The following SYNPO2 variants were observed in gnomAD, a reference collection of about 807,000 sequenced individuals.
The protein encoded by SYNPO2 is synaptopodin-2.
SYNPO2 carries 56 observed loss-of-function variants against 85.0 expected under a neutral mutation model. That is an observed-to-expected ratio of 0.66 (90% confidence interval 0.53 to 0.82). The LOEUF is 0.82. Ranked by LOEUF, SYNPO2 falls within the 40% of genes least tolerant of loss-of-function variation. The pLI is 0.00. For missense variants in SYNPO2, 1,575 were observed against 1,534.2 expected, an observed-to-expected ratio of 1.03 and a Z score of -0.44; for synonymous variants, 602 against 591.1, an observed-to-expected ratio of 1.02 and a Z score of -0.27.
chr4:118,878,682 GT>G (rs1170617362), intron 1 of SYNPO2, among the ~76,000 whole-genome samples: 1 of 152,220 alleles, frequency 6.6e-6, no homozygotes, highest in East Asian at 1.9e-4. Context: ...GCACCAATCA[GT>G]GCTCTGTGTC....
intron 1 of SYNPO2, among the ~76,000 whole-genome samples, chr4:118,950,234 T>C (rs1400022243): frequency 6.6e-6 from 1 of 152,252 alleles, no homozygotes; most frequent in African/African-American, 2.4e-5. Flanking sequence ...TTGCATATAA[T>C]CTTTTGCAAG....
At chr4:118,871,644 C>T (rs942083191) in intron 1 of SYNPO2, among the ~76,000 whole-genome samples, 3 of 150,178 alleles carry the variant, frequency 2.0e-5, no homozygotes, top group Non-Finnish European at 2.9e-5. Context: ...TCTCAGCTTA[C>T]TGCAAGCTCC....
chr4:119,018,691 G>A (rs1335946070), intron 1 of SYNPO2, among the ~76,000 whole-genome samples: 6 of 152,106 alleles, frequency 3.9e-5, no homozygotes, highest in Non-Finnish European at 8.8e-5. Context: ...GGGATAAACT[G>A]GAGATGGTTG....
At chr4:118,972,759 AGTTCT>A (rs1313514245) in intron 1 of SYNPO2, among the ~76,000 whole-genome samples, 2 of 152,200 alleles carry the variant, frequency 1.3e-5, no homozygotes, top group African/African-American at 4.8e-5. Context: ...GTTTAAATCT[AGTTCT>A]GTGACCTTGG....
intron 1 of SYNPO2, among the ~76,000 whole-genome samples, chr4:118,882,298 C>T (rs993588456): frequency 6.6e-6 from 1 of 151,806 alleles, no homozygotes; most frequent in Admixed American, 6.6e-5. Flanking sequence ...TGATTTGATT[C>T]CTTAAAAAAT....
rs187162000 is a variant in SYNPO2 at position 119,020,805 on chromosome 4, T to C, written c.106-2625T>C. The stretch of plus-strand genomic sequence containing the variant: ...CTAACCCTGACATAGATGTTTACTG[T>C]TGGATATTGTTGTATCCTTTACTTA... On this transcript the variant is annotated intron_variant, in intron 1 of 4. Coordinates refer to ENST00000307142, the MANE Select transcript of SYNPO2 (RefSeq NM_133477.3). Among the ~76,000 whole-genome samples the C allele has an allele frequency of 8.1e-3, 1,229 of 152,332 alleles. 14 individuals carry two copies. The highest frequency in any genetic ancestry group is 0.028 in the African/African-American group (1,173 of 41,576).
intron 1 of SYNPO2, among the ~76,000 whole-genome samples, chr4:118,868,069 G>A (rs1020883035): frequency 2.1e-5 from 3 of 145,348 alleles, no homozygotes; most frequent in Non-Finnish European, 3.0e-5. Flanking sequence ...AAAAAACTAC[G>A]TATTTAATGA....
In SYNPO2 at chr4:119,031,768, C is replaced by T; in HGVS notation, c.2993C>T (p.Ser998Leu). 6.2e-7 allele frequency: 1 copy of T among 1,614,216 alleles called. No individual in the cohort carries two copies. The highest frequency in any genetic ancestry group is 1.1e-5 in the South Asian group (1 of 91,086). The change falls in exon 4 of 5, where the codon TCA (serine) becomes TTA (leucine). Residue 998 changes from serine to leucine, a missense_variant. By Grantham distance (145) the Ser-to-Leu change is moderately radical. Around this residue, in one of 3 missense-constraint regions of SYNPO2, gnomAD observed 1,508 missense variants for 1,446.8 expected, o/e 1.04. Coordinates refer to ENST00000307142, the MANE Select transcript of SYNPO2 (RefSeq NM_133477.3). ...CAGAAGTCATCAGTCAAGGTCAATT[C>T]AGCCCTGGCCATGAAGCAAGCTCTT... ...LPQKSSVKVN[S>L]ALAMKQALPP... is the part of the protein sequence containing the mutation.
At chr4:118,886,500 GTGTT>G (rs1732202671), upstream of SYNPO2, among the ~76,000 whole-genome samples, 1 of 152,166 alleles carries the variant, frequency 6.6e-6, no homozygotes, top group Non-Finnish European at 1.5e-5. Context: ...AGAACATGTG[GTGTT>G]TGGTTTACTG....
chr4:118,977,971 A>G (rs1329684801), intron 1 of SYNPO2, among the ~76,000 whole-genome samples: 2 of 152,106 alleles, frequency 1.3e-5, no homozygotes, highest in African/African-American at 4.8e-5. Flanking sequence ...AGCAAATAGG[A>G]CCTCATATAT....
chr4:119,053,873 T>C (rs1578679978), intron 4 of SYNPO2, among the ~76,000 whole-genome samples: 1 of 152,224 alleles, frequency 6.6e-6, no homozygotes, highest in Non-Finnish European at 1.5e-5. Context: ...TATTAGCCAG[T>C]AAATTAAACA....
intron 1 of SYNPO2, among the ~76,000 whole-genome samples, chr4:118,918,473 A>G (rs939207373): frequency 1.3e-5 from 2 of 152,170 alleles, no homozygotes; most frequent in Non-Finnish European, 2.9e-5. Flanking sequence ...GGGGTTTATC[A>G]CTAGAAACAG....
intron 4 of SYNPO2, chr4:119,038,147 G>C (rs932429139): frequency 1.6e-5 from 16 of 985,178 alleles, no homozygotes; most frequent in Non-Finnish European, 1.7e-5. Context: ...GGTTTCCACA[G>C]TCTCATCAGA....
At chr4:119,035,767 T>G (rs1738482201) in intron 4 of SYNPO2, 1 of 979,448 alleles carries the variant, frequency 1.0e-6, no homozygotes, top group Non-Finnish European at 1.2e-6. Context: ...AGCTGAGAAT[T>G]ATCACATAGC....
At chr4:118,909,157 C>T (rs1433505327) in intron 1 of SYNPO2, among the ~76,000 whole-genome samples, 1 of 152,066 alleles carries the variant, frequency 6.6e-6, no homozygotes, top group Admixed American at 6.6e-5. Flanking sequence ...GTGACATTAA[C>T]AAAAAATACC....
intron 1 of SYNPO2, among the ~76,000 whole-genome samples, chr4:118,958,799 C>T (rs1413844165): frequency 6.6e-6 from 1 of 152,184 alleles, no homozygotes; most frequent in African/African-American, 2.4e-5. Flanking sequence ...AAATTTCCCT[C>T]AGATGGCTCC....
intron 1 of SYNPO2, among the ~76,000 whole-genome samples, chr4:119,002,568 A>G (rs2149173797): frequency 6.6e-6 from 1 of 152,266 alleles, no homozygotes; most frequent in East Asian, 1.9e-4. Context: ...TTTTGTAGCC[A>G]TCTTTCCTGG....
intron 1 of SYNPO2, among the ~76,000 whole-genome samples, chr4:118,953,588 TTGAACTGTAGCC>T (rs1247657557): frequency 1.4e-5 from 2 of 143,986 alleles, no homozygotes; most frequent in Non-Finnish European, 3.0e-5. Context: ...TCAATCTTCC[TTGAACTGTAGCC>T]TTTTTTTTTT....
At chr4:118,878,881 GTGGATGTTT>G (rs1476817336) in intron 1 of SYNPO2, among the ~76,000 whole-genome samples, 3 of 152,218 alleles carry the variant, frequency 2.0e-5, no homozygotes, top group Non-Finnish European at 4.4e-5. Flanking sequence ...TTTCTGTCTT[GTGGATGTTT>G]TGTTCTTTCT....
Sources: allele counts gnomAD v4.1 joint callset (sites outside exome capture counted in the v4.1 genomes callset), GRCh38; gene constraint gnomAD v4.1.1; regional missense constraint gnomAD v4.1.1; transcripts MANE v1.5; gene names NCBI Gene and HGNC (gene_info 2026-07-23, HGNC 2026-07-21).